The following POU6F2 variants were observed in gnomAD, a reference collection of about 807,000 sequenced individuals.
POU6F2 encodes POU class 6 homeobox 2, also known as POU domain, class 6, transcription factor 2.
A neutral mutation model predicts 71.3 loss-of-function variants in POU6F2; 31 were observed. The observed-to-expected ratio is 0.43, with a 90% CI of 0.33 to 0.59. The LOEUF is 0.59. Ranked by LOEUF, POU6F2 falls within the 20% of genes least tolerant of loss-of-function variation. The pLI, the probability that POU6F2 is intolerant of heterozygous loss-of-function variation, is 0.04. For missense variants in POU6F2, 783 were observed against 856.8 expected, an observed-to-expected ratio of 0.91 and a Z score of 1.07; for synonymous variants, 347 against 355.7, an observed-to-expected ratio of 0.98 and a Z score of 0.27.
At chr7:39,301,143 T>C (rs774612834) in intron 4 of POU6F2, among the ~76,000 whole-genome samples, 1 of 152,210 alleles carries the variant, frequency 6.6e-6, no homozygotes, top group Non-Finnish European at 1.5e-5. Flanking sequence ...TTAATAGTTT[T>C]TCGACTCCTT....
chr7:39,179,423 A>C (rs1793391531), intron 2 of POU6F2, among the ~76,000 whole-genome samples: 1 of 152,220 alleles, frequency 6.6e-6, no homozygotes, highest in South Asian at 2.1e-4. Flanking sequence ...TGTGGGGGTT[A>C]ACTGGGTTAG....
chr7:39,373,390 T>C (rs1168600197), intron 5 of POU6F2: 5 of 455,692 alleles, frequency 1.1e-5, no homozygotes, highest in African/African-American at 8.0e-5. Flanking sequence ...AACTCAAATA[T>C]GATAATTAGT....
At chr7:39,279,232 C>T (rs1562774557) in intron 4 of POU6F2, among the ~76,000 whole-genome samples, 1 of 152,118 alleles carries the variant, frequency 6.6e-6, no homozygotes, top group Non-Finnish European at 1.5e-5. Context: ...AGTGCACTCC[C>T]TTCTGCACCC....
At chr7:39,336,994 G>T (rs12533451) in intron 4 of POU6F2, among the ~76,000 whole-genome samples, 16,891 of 152,054 alleles carry the variant, frequency 0.11, 1,176 homozygotes, top group Non-Finnish European at 0.15. Context: ...GACTTTTCTT[G>T]TGTAAATCCC....
intron 5 of POU6F2, among the ~76,000 whole-genome samples, chr7:39,348,543 C>G (rs1020978068): frequency 6.6e-6 from 1 of 152,168 alleles, no homozygotes; most frequent in African/African-American, 2.4e-5. Flanking sequence ...AAAGTTCAAG[C>G]AAATTTCTCA....
intron 2 of POU6F2, among the ~76,000 whole-genome samples, chr7:39,196,769 AAAAG>A (rs969732018): frequency 6.6e-6 from 1 of 152,212 alleles, no homozygotes; most frequent in African/African-American, 2.4e-5. Context: ...AAGAAAAAAA[AAAAG>A]AAAAAAGAAT....
At chr7:39,422,768 C>T (rs1045293228) in intron 6 of POU6F2, among the ~76,000 whole-genome samples, 2 of 152,138 alleles carry the variant, frequency 1.3e-5, no homozygotes, top group African/African-American at 2.4e-5. Flanking sequence ...CCCAGTAGAT[C>T]GACTTCCCAC....
intron 4 of POU6F2, among the ~76,000 whole-genome samples, chr7:39,291,449 T>C (rs1179604504): frequency 6.6e-6 from 1 of 152,240 alleles, no homozygotes; most frequent in Non-Finnish European, 1.5e-5. Flanking sequence ...TGTTTTGCTC[T>C]TTATGAGATG....
At chr7:39,133,298 C>T (rs1249530443) in intron 2 of POU6F2, among the ~76,000 whole-genome samples, 1 of 152,146 alleles carries the variant, frequency 6.6e-6, no homozygotes, top group Non-Finnish European at 1.5e-5. Context: ...TGTCAGAGAG[C>T]GGCAGCTGCT....
chr7:39,334,862 A>C, intron 4 of POU6F2, among the ~76,000 whole-genome samples: 1 of 152,256 alleles, frequency 6.6e-6, no homozygotes, highest in East Asian at 1.9e-4. Context: ...GGCAAAGGCT[A>C]CATCAGGGAA....
At chr7:39,426,008 A>C (rs1186713568) in intron 6 of POU6F2, among the ~76,000 whole-genome samples, 2 of 152,172 alleles carry the variant, frequency 1.3e-5, no homozygotes, top group African/African-American at 4.8e-5. Context: ...CCCTGACAAC[A>C]GTCCCAGCTG....
At chr7:39,004,818 G>T (rs1367418322) in intron 1 of POU6F2, among the ~76,000 whole-genome samples, 1 of 152,178 alleles carries the variant, frequency 6.6e-6, no homozygotes, top group African/African-American at 2.4e-5. Context: ...CCCTGCAAGA[G>T]ATCCTGGCAT....
At chr7:39,422,742 C>T (rs899175652) in intron 6 of POU6F2, among the ~76,000 whole-genome samples, 1 of 152,162 alleles carries the variant, frequency 6.6e-6, no homozygotes, top group Non-Finnish European at 1.5e-5. Context: ...AATTTATGTC[C>T]TTAGAGACCA....
At chr7:39,427,885 C>T (rs2299128) in intron 6 of POU6F2, among the ~76,000 whole-genome samples, 43,375 of 152,082 alleles carry the variant, frequency 0.29, 6,611 homozygotes, top group East Asian at 0.52. Flanking sequence ...CCCTGGGCTT[C>T]TGTGACAGAA....
chr7:39,076,479 A>G (rs1791006373), intron 1 of POU6F2, among the ~76,000 whole-genome samples: 2 of 152,334 alleles, frequency 1.3e-5, no homozygotes, highest in East Asian at 3.9e-4. Context: ...ACAAACCTGC[A>G]CGTCCTGCAC....
In POU6F2 at chr7:39,466,558, A is replaced by G. The variant is rs1334799267; in HGVS notation, c.*1872A>G. The stretch of plus-strand genomic sequence containing the variant: ...AAAGAAAAAAGAGAAACCCAATCTC[A>G]AGTTGCCCAACTGATTAGAAATGCC... On this transcript the variant is annotated 3_prime_UTR_variant, in exon 10 of 10. Coordinates refer to ENST00000518318, the MANE Select transcript of POU6F2 (RefSeq NM_001370959.1). 2 of 152,266 alleles carry G rather than the reference A, an allele frequency of 1.3e-5. No homozygotes were observed. Among genetic ancestry groups the G allele is most frequent in the Admixed American group, 6.5e-5 (1 of 15,282 alleles). 9.4% of individuals were successfully genotyped at this position (152,266 alleles called of 1,614,324 possible). A position where few individuals can be genotyped will look rare whatever the true frequency, so the allele number is the denominator to read the frequency against.
intron 6 of POU6F2, among the ~76,000 whole-genome samples, chr7:39,419,506 C>T (rs1369544498): frequency 8.5e-5 from 13 of 152,086 alleles, no homozygotes; most frequent in African/African-American, 3.1e-4. Context: ...TCTCAAAGTG[C>T]TGGGGTTACA....
At chr7:39,277,020 TGTGCACATG>T (rs1371821439) in intron 4 of POU6F2, among the ~76,000 whole-genome samples, 3 of 152,140 alleles carry the variant, frequency 2.0e-5, no homozygotes, top group Non-Finnish European at 2.9e-5. Context: ...ACCTGTACAT[TGTGCACATG>T]TACCCTAAAA....
At chr7:39,017,509 A>G (rs6944670) in intron 1 of POU6F2, among the ~76,000 whole-genome samples, 49,062 of 152,024 alleles carry the variant, frequency 0.32, 8,641 homozygotes, top group East Asian at 0.73. Context: ...AACCTAAAGC[A>G]GATTACTGTA....
Sources: gnomAD v4.1 joint callset for allele counts (sites outside exome capture counted in the v4.1 genomes callset) on GRCh38, gnomAD v4.1.1 for gene constraint, MANE v1.5 for transcripts, NCBI Gene and HGNC (gene_info 2026-07-23, HGNC 2026-07-21) for gene names.